The following SYN3 variants were observed in gnomAD, a reference collection of about 807,000 sequenced individuals.
The protein encoded by SYN3 is synapsin III.
SYN3 carries 35 observed loss-of-function variants against 65.8 expected under a neutral mutation model. The ratio of observed to expected loss-of-function variants is 0.53; its 90% confidence interval spans 0.41 to 0.70. The LOEUF (loss-of-function observed/expected upper bound fraction) is 0.70, where lower values mean the gene tolerates loss of function less well. SYN3 is among the 30% of genes least tolerant of loss of function. SYN3 has a pLI of 0.00. For missense variants in SYN3, 680 were observed against 749.0 expected (o/e 0.91, Z 1.08); for synonymous variants, 270 against 292.9 (o/e 0.92, Z 0.80).
At chr22:33,045,469 T>TC (rs1253332876) in intron 1 of SYN3, among the ~76,000 whole-genome samples, 29 of 136,064 alleles carry the variant, frequency 2.1e-4, no homozygotes, top group African/African-American at 7.4e-4. Context: ...CTTTTTTTTT[T>TC]TTTTTTTTTT....
chr22:32,848,879 A>G (rs987814862), intron 6 of SYN3, among the ~76,000 whole-genome samples: 2 of 131,640 alleles, frequency 1.5e-5, no homozygotes, highest in Non-Finnish European at 3.2e-5. Context: ...CTCAGACTCT[A>G]TTGCATCCCT....
intron 8 of SYN3, among the ~76,000 whole-genome samples, chr22:32,540,568 C>A (rs1228003246): frequency 6.6e-6 from 1 of 152,188 alleles, no homozygotes; most frequent in African/African-American, 2.4e-5. Flanking sequence ...AAGACCTCTC[C>A]CAAGAACGAG....
At chr22:32,587,942 G>T (rs1456219961) in intron 7 of SYN3, among the ~76,000 whole-genome samples, 1 of 152,086 alleles carries the variant, frequency 6.6e-6, no homozygotes, top group Non-Finnish European at 1.5e-5. Context: ...CTGCCTGAGG[G>T]TTGTGCCCCA....
At chr22:32,609,884 T>G (rs1181917377) in intron 6 of SYN3, among the ~76,000 whole-genome samples, 1 of 152,206 alleles carries the variant, frequency 6.6e-6, no homozygotes. Flanking sequence ...GGTGCCCGAA[T>G]TTTTAAACTG....
At chr22:33,039,633 T>C (rs1198132842) in intron 1 of SYN3, among the ~76,000 whole-genome samples, 1 of 152,070 alleles carries the variant, frequency 6.6e-6, no homozygotes, top group East Asian at 1.9e-4. Context: ...TGACCTCATG[T>C]GACCTCATGT....
chr22:32,567,762 C>T (rs1338643544), intron 7 of SYN3, among the ~76,000 whole-genome samples: 1 of 152,098 alleles, frequency 6.6e-6, no homozygotes, highest in Non-Finnish European at 1.5e-5. Context: ...CCCGAGGTCA[C>T]ACAGCCAGGA....
At chr22:33,014,323 T>C (rs2053418540) in intron 1 of SYN3, 2 of 152,214 alleles carry the variant, frequency 1.3e-5, no homozygotes, top group Non-Finnish European at 2.9e-5. Context: ...ATATCTTAGC[T>C]ACTGGGTATA....
intron 6 of SYN3, among the ~76,000 whole-genome samples, chr22:32,845,166 TG>T (rs377275699): frequency 0.066 from 10,014 of 152,164 alleles, 348 homozygotes; most frequent in Middle Eastern, 0.1. Context: ...CTCTGATTGG[TG>T]CTTCTGTACC....
rs2060686439 is a variant in SYN3, at chr22:32,692,979, C to A, written c.712-96243G>T. On this transcript the variant is annotated intron_variant, in intron 6 of 13. Coordinates refer to ENST00000358763, the MANE Select transcript of SYN3 (RefSeq NM_003490.4). Reference sequence around the variant, plus strand: ...AAATTTCTATGTATAAATAAGCATACATAAGGACGGCTGGATGTGCAGTAG... The same window carrying A: ...AAATTTCTATGTATAAATAAGCATAAATAAGGACGGCTGGATGTGCAGTAG... Among the ~76,000 whole-genome samples the A allele has an allele frequency of 3.3e-5, 5 of 152,084 alleles. No individual in the cohort carries two copies. In the South Asian group the frequency reaches 8.3e-4, roughly 25 times the overall value.
intron 10 of SYN3, among the ~76,000 whole-genome samples, chr22:32,532,916 G>A (rs559956437): frequency 2.0e-5 from 3 of 152,152 alleles, no homozygotes; most frequent in Non-Finnish European, 2.9e-5. Context: ...AAGTTATGGC[G>A]GACTCTGAGG....
intron 6 of SYN3, among the ~76,000 whole-genome samples, chr22:32,737,601 T>C (rs2061351441): frequency 6.6e-6 from 1 of 152,204 alleles, no homozygotes; most frequent in East Asian, 1.9e-4. Context: ...TTGCTGAGAA[T>C]GATGGTTTCC....
At chr22:32,679,839 C>CTTTTTTTTTTTTTTTTTTCTTTTTT (rs2060498430) in intron 6 of SYN3, among the ~76,000 whole-genome samples, 1 of 39,150 alleles carries the variant, frequency 2.6e-5, no homozygotes, top group Non-Finnish European at 4.6e-5. Context: ...TGTTTTTTGG[C>CTTTTTTTTTTTTTTTTTTCTTTTTT]TTTTTTTTTT....
At chr22:32,802,140 C>T in intron 6 of SYN3, 1 of 1,573,312 alleles carries the variant, frequency 6.4e-7, no homozygotes, top group Non-Finnish European at 8.6e-7. Context: ...CTCCTGGTGC[C>T]CCGCCCGAGC....
At chr22:33,008,251 A>G (rs2053248670) in intron 1 of SYN3, among the ~76,000 whole-genome samples, 1 of 152,190 alleles carries the variant, frequency 6.6e-6, no homozygotes, top group Non-Finnish European at 1.5e-5. Context: ...TTTTTATTGC[A>G]GTAAAATTTA....
chr22:33,015,736 C>T (rs536678154), intron 1 of SYN3, among the ~76,000 whole-genome samples: 75 of 152,234 alleles, frequency 4.9e-4, no homozygotes, highest in South Asian at 1.5e-3. Context: ...ATATAATACA[C>T]TTAATCTTGT....
At chr22:32,795,434 C>T (rs1216639651) in intron 6 of SYN3, among the ~76,000 whole-genome samples, 1 of 152,142 alleles carries the variant, frequency 6.6e-6, no homozygotes, top group Non-Finnish European at 1.5e-5. Flanking sequence ...GAATGGGTAA[C>T]CCCGGAGGGG....
chr22:32,573,215 A>G (rs1159520491), intron 7 of SYN3, among the ~76,000 whole-genome samples: 1 of 152,204 alleles, frequency 6.6e-6, no homozygotes, highest in Admixed American at 6.5e-5. Context: ...AGGATATGAC[A>G]TGTTGCACAA....
intron 6 of SYN3, among the ~76,000 whole-genome samples, chr22:32,803,682 C>T (rs1261962567): frequency 5.9e-5 from 9 of 152,190 alleles, no homozygotes; most frequent in Non-Finnish European, 1.2e-4. Flanking sequence ...GTAACATTCC[C>T]ACCTGATTAG....
At chr22:32,924,314 C>T (rs1488571304) in intron 4 of SYN3, among the ~76,000 whole-genome samples, 3 of 152,164 alleles carry the variant, frequency 2.0e-5, no homozygotes, top group Non-Finnish European at 4.4e-5. Context: ...TCTCATGGGT[C>T]TGACATCCTG....
Sources: allele counts gnomAD v4.1 joint callset (sites outside exome capture counted in the v4.1 genomes callset), GRCh38; gene constraint gnomAD v4.1.1; transcripts MANE v1.5; gene names NCBI Gene and HGNC (gene_info 2026-07-23, HGNC 2026-07-21).